Variants in AP1B1 observed in about 807,000 individuals in gnomAD.
The protein encoded by AP1B1 is adaptor related protein complex 1 subunit beta 1.
AP1B1 carries 36 observed loss-of-function variants against 104.3 expected under a neutral mutation model. The observed-to-expected ratio is 0.35, with a 90% CI of 0.26 to 0.46. The LOEUF is 0.46. AP1B1 is among the 20% of genes least tolerant of loss of function. AP1B1 has a pLI of 1.00. For synonymous variants in AP1B1, 504 were observed against 517.5 expected (o/e 0.97, Z 0.35); for missense variants, 901 against 1,247.9 (o/e 0.72, Z 4.19).
chr22:29,330,739 G>A (rs1391253910), intron 19 of AP1B1, 30 bp from the exon 20 acceptor site: 1 of 1,587,050 alleles, frequency 6.3e-7, no homozygotes, highest in African/African-American at 1.3e-5. Flanking sequence ...GGGATGAGAG[G>A]CGAGCCCCTC....
chr22:29,330,604 G>A lies in AP1B1; in HGVS notation c.2611+19C>T, dbSNP rs766683584. On this transcript the variant is annotated intron_variant, in intron 20 of 22. Coordinates refer to ENST00000357586, the MANE Select transcript of AP1B1 (RefSeq NM_001127.4). ...TGGGTACAGGCGAGGGGCTGGGGTC[G>A]GGGGCTCGGAGTCCTCACCTGCATT... 8 of 1,613,306 alleles carry A rather than the reference G, an allele frequency of 5.0e-6. No individual in the cohort carries two copies. The highest frequency in any genetic ancestry group is 1.7e-4 in the Middle Eastern group (1 of 6,012).
At chr22:29,348,464 T>C (rs1400062997) in intron 11 of AP1B1, among the ~76,000 whole-genome samples, 1 of 152,248 alleles carries the variant, frequency 6.6e-6, no homozygotes, top group East Asian at 1.9e-4. Flanking sequence ...AGAGAAAACA[T>C]GTCCTTGATA....
chr22:29,337,741 C>G (rs1173244667), intron 16 of AP1B1, among the ~76,000 whole-genome samples: 1 of 152,182 alleles, frequency 6.6e-6, no homozygotes, highest in Non-Finnish European at 1.5e-5. Flanking sequence ...CTCTCCTTCC[C>G]TCAGCCCCGG....
Position 29,339,074 on chromosome 22 carries a change from T to C in AP1B1, c.2079A>G (p.Ala693=), listed in dbSNP as rs2061676913. Reference sequence around the variant, plus strand: ...GGTCACTCAGGCCACTGCCGATGGGTGCTCCAAGATTGGCTGGTACTGCTG... The same window carrying C: ...GGTCACTCAGGCCACTGCCGATGGGCGCTCCAAGATTGGCTGGTACTGCTG... ...PTAAVPANLG[A]PIGSGLSDLF... Residue 693 remains alanine, a synonymous_variant, in exon 16 of 23, where the codon GCA becomes GCG. Coordinates refer to ENST00000357586, the MANE Select transcript of AP1B1 (RefSeq NM_001127.4). 2 of 1,614,092 alleles carry C rather than the reference T, an allele frequency of 1.2e-6. No individual in the cohort carries two copies. The highest frequency in any genetic ancestry group is 1.7e-5 in the Admixed American group (1 of 60,020).
At chr22:29,346,996 G>A (rs777905517) in intron 11 of AP1B1, among the ~76,000 whole-genome samples, 4 of 152,170 alleles carry the variant, frequency 2.6e-5, no homozygotes, top group Admixed American at 6.5e-5. Context: ...ACAGTGCCTG[G>A]CTCAGGATAA....
rs1012994637 is a variant in AP1B1 at position 29,328,142 on chromosome 22, C to G, written c.*679G>C. The G allele has an allele frequency of 6.5e-6, 1 of 152,790 alleles. No individual in the cohort carries two copies. The highest frequency in any genetic ancestry group is 2.4e-5 in the African/African-American group (1 of 41,442). 9.5% of individuals were successfully genotyped at this position (152,790 alleles called of 1,614,324 possible). A position where few individuals can be genotyped will look rare whatever the true frequency, so the allele number is the denominator to read the frequency against. ...AGTTGGGGATAGTGCAGCTGCCAGT[C>G]GGTGGGGAGCCCGAGACAGGGGCTC... On this transcript the variant is annotated 3_prime_UTR_variant, in exon 23 of 23. Transcript: ENST00000357586. The surrounding 1 kb of genome is among the most constrained non-coding windows in gnomAD (Gnocchi z 4.1).
In AP1B1 at chr22:29,352,366, A is replaced by C. The variant is rs151259890; in HGVS notation, c.939-541T>G. Reference sequence around the variant, plus strand: ...GTTTATGCTGAACACATGCTTCCCTACTGGGAATATGGAATTTGTGTAGGT... The same window carrying C: ...GTTTATGCTGAACACATGCTTCCCTCCTGGGAATATGGAATTTGTGTAGGT... On this transcript the variant is annotated intron_variant, in intron 7 of 22. Coordinates refer to ENST00000357586, the MANE Select transcript of AP1B1 (RefSeq NM_001127.4). 1.7e-3 allele frequency among the ~76,000 whole-genome samples: 255 copies of C among 152,352 alleles called. 2 individuals carry two copies. The highest frequency in any genetic ancestry group is 5.9e-3 in the Admixed American group (90 of 15,306).
intron 13 of AP1B1, 73 bp from the exon 14 acceptor site, chr22:29,340,930 C>T: frequency 6.9e-7 from 1 of 1,453,860 alleles, no homozygotes; most frequent in South Asian, 1.3e-5. Context: ...AGCCTCCAGG[C>T]AGAGCTGTCC....
chr22:29,373,694 G>A (rs1223607868), intron 1 of AP1B1, among the ~76,000 whole-genome samples: 1 of 152,200 alleles, frequency 6.6e-6, no homozygotes, highest in Non-Finnish European at 1.5e-5. Flanking sequence ...CCTGCGGCCA[G>A]GAGTTCGAGA....
chr22:29,356,130 T>C (rs1224128425), intron 6 of AP1B1, among the ~76,000 whole-genome samples: 1 of 152,250 alleles, frequency 6.6e-6, no homozygotes, highest in East Asian at 1.9e-4. Flanking sequence ...GAGAATTCAA[T>C]GAGCAGTGGC....
In AP1B1 at chr22:29,327,928, C is replaced by T. The variant is rs1172988646; in HGVS notation, c.*893G>A. On this transcript the variant is annotated 3_prime_UTR_variant, in exon 23 of 23. Coordinates refer to ENST00000357586, the MANE Select transcript of AP1B1 (RefSeq NM_001127.4). ...AAACCTAATGCTCTGTCAGACACAA[C>T]TGAAACCTGGGAGGCCAGGAGGAGG... 2.6e-5 allele frequency: 4 copies of T among 152,594 alleles called. No homozygotes were observed. Among genetic ancestry groups the T allele is most frequent in the Non-Finnish European group, 5.9e-5 (4 of 68,082 alleles). The allele number at this position is 152,594 out of a possible 1,614,324, so 9.5% of individuals were successfully genotyped here.
intron 13 of AP1B1, among the ~76,000 whole-genome samples, chr22:29,341,100 T>A (rs749104585): frequency 6.6e-6 from 1 of 152,208 alleles, no homozygotes; most frequent in Non-Finnish European, 1.5e-5. Context: ...CAGCCCATGC[T>A]AAGAAGAAAA....
At chr22:29,354,969 T>C in intron 6 of AP1B1, 98 bp from the exon 7 acceptor site, 1 of 1,071,352 alleles carries the variant, frequency 9.3e-7, no homozygotes. Flanking sequence ...GGCGTGATAG[T>C]TCACGCCTGT....
At chr22:29,385,208 G>A (rs1340175834) in intron 1 of AP1B1, among the ~76,000 whole-genome samples, 4 of 152,154 alleles carry the variant, frequency 2.6e-5, no homozygotes, top group African/African-American at 9.7e-5. Context: ...AATATAGCAA[G>A]ACTCCATCTC....
chr22:29,354,254 C>G (rs980697512), intron 7 of AP1B1, among the ~76,000 whole-genome samples: 2 of 152,226 alleles, frequency 1.3e-5, no homozygotes, highest in Non-Finnish European at 2.9e-5. Context: ...ACTATGAAGA[C>G]AATATCTAGT....
At chr22:29,364,536 A>G (rs2062100819) in intron 2 of AP1B1, among the ~76,000 whole-genome samples, 1 of 151,648 alleles carries the variant, frequency 6.6e-6, no homozygotes, top group Non-Finnish European at 1.5e-5. Flanking sequence ...CTCCTGCCTC[A>G]GCATACCGGG....
chr22:29,354,018 A>G lies in AP1B1; in HGVS notation c.938+632T>C, dbSNP rs557415570. On this transcript the variant is annotated intron_variant, in intron 7 of 22. Transcript: ENST00000357586. The stretch of plus-strand genomic sequence containing the variant: ...CTCAATGGTTTTTCTGCTCTCGCCT[A>G]CCCCCCACTACCATACCACGTGCCC... Among the ~76,000 whole-genome samples, 19 of 151,540 alleles carry G rather than the reference A, an allele frequency of 1.3e-4. No homozygotes were observed. The East Asian group carries it at 2.7e-3, about 22-fold the overall frequency.
chr22:29,351,915 G>A, intron 7 of AP1B1, 90 bp from the exon 8 acceptor site: 2 of 1,513,618 alleles, frequency 1.3e-6, no homozygotes, highest in South Asian at 1.3e-5. Context: ...ACATTTCTGG[G>A]GTCTGAGGTG....
Position 29,351,764 on chromosome 22 carries a change from C to T in AP1B1, c.1000G>A (p.Val334Met), listed in dbSNP as rs564209694. Residue 334 changes from valine to methionine, a missense_variant, in exon 8 of 23, where the codon GTG becomes ATG. Val to Met is a conservative substitution (Grantham distance 21). This residue lies in a region of AP1B1 where 471 missense variants were observed against 696.7 expected (regional missense o/e 0.68). Coordinates refer to ENST00000357586, the MANE Select transcript of AP1B1 (RefSeq NM_001127.4). The part of the protein sequence containing the change: ...FFVKYNDPIY[V>M]KLEKLDIMIR... ...ATGATGTCCAGCTTCTCCAGCTTCACGTAGATAGGGTCGTTGTACTTCACG... is the reference window on the plus strand; with the variant it reads ...ATGATGTCCAGCTTCTCCAGCTTCATGTAGATAGGGTCGTTGTACTTCACG... 6.2e-7 allele frequency: 1 copy of T among 1,614,200 alleles called. No individual in the cohort carries two copies. The highest frequency in any genetic ancestry group is 8.5e-7 in the Non-Finnish European group (1 of 1,180,038).
Sources: gnomAD v4.1 joint callset for allele counts (sites outside exome capture counted in the v4.1 genomes callset) on GRCh38, gnomAD v4.1.1 for gene constraint, gnomAD v4.1.1 regional missense constraint, Gnocchi (gnomAD v3.1) non-coding constraint, MANE v1.5 for transcripts, NCBI Gene and HGNC (gene_info 2026-07-23, HGNC 2026-07-21) for gene names.